The following DZIP3 variants were observed in gnomAD, a reference collection of about 807,000 sequenced individuals.
The protein encoded by DZIP3 is DAZ interacting zinc finger protein 3.
A neutral mutation model predicts 162.0 loss-of-function variants in DZIP3; 118 were observed. The observed-to-expected ratio is 0.73, with a 90% CI of 0.63 to 0.85. The LOEUF is 0.85. Among genes scored for constraint, DZIP3 ranks in the 40% least tolerant of loss-of-function variants. The pLI is 0.00. For missense variants in DZIP3, 1,331 were observed against 1,407.0 expected, an observed-to-expected ratio of 0.95 and a Z score of 0.86; for synonymous variants, 438 against 458.6, an observed-to-expected ratio of 0.96 and a Z score of 0.57.
chr3:108,605,679 C>G (rs1407672618), intron 2 of DZIP3, among the ~76,000 whole-genome samples: 1 of 152,158 alleles, frequency 6.6e-6, no homozygotes, highest in Non-Finnish European at 1.5e-5. Context: ...AGGTGGAGCT[C>G]AGGTGGTAAT....
chr3:108,687,634 A>C (rs1281141426), intron 28 of DZIP3, among the ~76,000 whole-genome samples: 2 of 152,216 alleles, frequency 1.3e-5, no homozygotes, highest in Admixed American at 6.5e-5. Context: ...CACTTGAGAG[A>C]TGGTATAAAG....
intron 12 of DZIP3, among the ~76,000 whole-genome samples, chr3:108,638,254 C>G (rs534212485): frequency 1.3e-5 from 2 of 152,104 alleles, no homozygotes; most frequent in Non-Finnish European, 2.9e-5. Context: ...CAAAACTGGA[C>G]TCATGATCTT....
intron 19 of DZIP3, among the ~76,000 whole-genome samples, chr3:108,656,657 G>A (rs1382005696): frequency 2.0e-5 from 3 of 152,164 alleles, no homozygotes; most frequent in African/African-American, 7.2e-5. Context: ...TGACTTTGAC[G>A]AGTTGAGAGA....
In DZIP3 at chr3:108,662,275, G is replaced by T. The variant is rs776873457; in HGVS notation, c.2423+18G>T. 1 of 1,572,258 alleles carries T rather than the reference G, an allele frequency of 6.4e-7. No individual in the cohort carries two copies. Among genetic ancestry groups the T allele is most frequent in the South Asian group, 1.2e-5 (1 of 83,262 alleles). ...GTTTCCAAGTAAGTGTAAATCTTTT[G>T]ATAAAGGGAAATTCTGCGCCGTAAT... On this transcript the variant is annotated intron_variant, in intron 21 of 32. Transcript: ENST00000361582.
intron 1 of DZIP3, chr3:108,590,059 A>G (rs1193336550): frequency 6.6e-6 from 1 of 152,116 alleles, no homozygotes; most frequent in East Asian, 1.9e-4. Context: ...TGGGCCAGGT[A>G]TTGCTCCGGA....
At chr3:108,663,722 ACTCTTTAC>A (rs1943549708) in intron 21 of DZIP3, among the ~76,000 whole-genome samples, 1 of 152,080 alleles carries the variant, frequency 6.6e-6, no homozygotes, top group Non-Finnish European at 1.5e-5. Context: ...TCCCTCCGCA[ACTCTTTAC>A]CGCTGACCCA....
chr3:108,675,626 C>T (rs1361490912), intron 24 of DZIP3, among the ~76,000 whole-genome samples, 160 bp from the exon 25 acceptor site: 3 of 152,000 alleles, frequency 2.0e-5, no homozygotes, highest in Admixed American at 6.6e-5. Context: ...TAGTAACAAA[C>T]CTGTCCATAC....
chr3:108,677,354 T>G (rs1944151629), intron 25 of DZIP3, 143 bp from the exon 26 acceptor site: 1 of 514,560 alleles, frequency 1.9e-6, no homozygotes, highest in Admixed American at 3.3e-5. Flanking sequence ...TTTTTTTTGG[T>G]CAGAACCTGT....
chr3:108,649,028 G>A, intron 17 of DZIP3, 66 bp downstream of exon 17: 1 of 947,262 alleles, frequency 1.1e-6, no homozygotes. Flanking sequence ...TGAATTCATT[G>A]TTAGAACTTA....
Position 108,641,161 on chromosome 3 carries a change from A to G in DZIP3, c.1065-1277A>G, listed in dbSNP as rs1349593968. 3.9e-5 allele frequency among the ~76,000 whole-genome samples: 6 copies of G among 152,224 alleles called. No homozygotes were observed. The South Asian group carries it at 6.2e-4, about 16-fold the overall frequency. On this transcript the variant is annotated intron_variant, in intron 12 of 32. Transcript: ENST00000361582. The stretch of plus-strand genomic sequence containing the variant: ...TATTTTAAAATAATTATACCACAGC[A>G]TGTATAGTGTAAGAACCTTGCAATA...
chr3:108,684,328 C>T lies in DZIP3; in HGVS notation c.2996C>T (p.Pro999Leu). ...CPGVVSATGQPRAPLMTGIAW... is the reference protein window; with the variant it reads ...CPGVVSATGQLRAPLMTGIAW... ...GGAGTCGTCTCTGCAACTGGCCAAC[C>T]TAGAGCCCCCCTGGTAAAAGCTTTC... Residue 999 changes from proline (P) to leucine (L), a missense_variant, in exon 27 of 33, where the codon CCT becomes CTT. Physicochemically the swap from Pro to Leu is moderately conservative, Grantham distance 98. Transcript: ENST00000361582. The T allele has an allele frequency of 6.2e-7, 1 of 1,611,756 alleles. No individual in the cohort carries two copies. The highest frequency in any genetic ancestry group is 1.1e-5 in the South Asian group (1 of 90,726).
intron 1 of DZIP3, among the ~76,000 whole-genome samples, chr3:108,605,048 A>T (rs1940258914): frequency 6.6e-6 from 1 of 152,224 alleles, no homozygotes; most frequent in Non-Finnish European, 1.5e-5. Context: ...TACTAGGAGG[A>T]TAAAATAACA....
chr3:108,679,960 A>G (rs1423934888), intron 26 of DZIP3, among the ~76,000 whole-genome samples: 2 of 152,096 alleles, frequency 1.3e-5, no homozygotes, highest in South Asian at 2.1e-4. Flanking sequence ...TGTTAGTACC[A>G]TTAAAAAGAT....
intron 5 of DZIP3, among the ~76,000 whole-genome samples, chr3:108,617,668 G>T (rs978893372): frequency 1.3e-5 from 2 of 152,210 alleles, no homozygotes; most frequent in African/African-American, 4.8e-5. Flanking sequence ...GGATTCTGGG[G>T]ATTAGGGTTC....
intron 5 of DZIP3, among the ~76,000 whole-genome samples, chr3:108,622,383 T>C (rs1941393678): frequency 6.6e-6 from 1 of 152,214 alleles, no homozygotes; most frequent in African/African-American, 2.4e-5. Context: ...CTCTGTGTTA[T>C]CTTGAATTTC....
At chr3:108,628,071 G>A (rs555924585) in intron 7 of DZIP3, among the ~76,000 whole-genome samples, 3 of 152,180 alleles carry the variant, frequency 2.0e-5, no homozygotes, top group Admixed American at 1.3e-4. Context: ...TAGAGATGGG[G>A]TTTCACTATG....
chr3:108,648,078 A>G lies in DZIP3; in HGVS notation c.1928A>G (p.Glu643Gly). 1 of 1,606,204 alleles carries G rather than the reference A, an allele frequency of 6.2e-7. No homozygotes were observed. The highest frequency in any genetic ancestry group is 8.5e-7 in the Non-Finnish European group (1 of 1,177,594). ...AAAGATGGGACCTCAATACCCAGTG[A>G]ATCTTCAACAGAATCTCTTAAAGAT... ...INKDGTSIPS[E>G]SSTESLKDLQ... Residue 643 changes from glutamate to glycine, a missense_variant, in exon 16 of 33, where the codon GAA (glutamate) becomes GGA (glycine). Around this residue, in one of 2 missense-constraint regions of DZIP3, gnomAD observed 1,278 missense variants for 1,317.1 expected, o/e 0.97. Coordinates refer to ENST00000361582, the MANE Select transcript of DZIP3 (RefSeq NM_014648.4).
rs191974921 is a variant in DZIP3, at chr3:108,678,707, A to G, written c.2883+1109A>G. Among the ~76,000 whole-genome samples, 11 of 152,154 alleles carry G rather than the reference A, an allele frequency of 7.2e-5. No homozygotes were observed. The East Asian group carries it at 1.2e-3, about 16-fold the overall frequency. On this transcript the variant is annotated intron_variant, in intron 26 of 32. Coordinates refer to ENST00000361582, the MANE Select transcript of DZIP3 (RefSeq NM_014648.4). ...CCTTTTAAGAGGGTGTCATTGGATGACAATTTTTATTATCTTAAGAGATCT... is the reference window on the plus strand; with the variant it reads ...CCTTTTAAGAGGGTGTCATTGGATGGCAATTTTTATTATCTTAAGAGATCT...
In DZIP3 at chr3:108,644,675, G is replaced by A; in HGVS notation, c.1653G>A (p.Lys551=). 1 of 1,613,850 alleles carries A rather than the reference G, an allele frequency of 6.2e-7. No individual in the cohort carries two copies. The highest frequency in any genetic ancestry group is 8.5e-7 in the Non-Finnish European group (1 of 1,179,916). Residue 551 remains lysine (K), a synonymous_variant, in exon 14 of 33, where the codon AAG becomes AAA. Transcript: ENST00000361582. ...GMMQEDIDKV[K]ENPIENISLD... ...TGCAAGAGGATATTGACAAAGTGAA[G>A]GAGAATCCCATTGAGAATATCTCCC...
Sources: gnomAD v4.1 joint callset for allele counts (sites outside exome capture counted in the v4.1 genomes callset) on GRCh38, gnomAD v4.1.1 for gene constraint, gnomAD v4.1.1 regional missense constraint, MANE v1.5 for transcripts, NCBI Gene and HGNC (gene_info 2026-07-23, HGNC 2026-07-21) for gene names.